The following HPSE2 variants were observed in gnomAD, a reference collection of about 807,000 sequenced individuals.
HPSE2 encodes the protein heparanase 2 (inactive).
A neutral mutation model predicts 60.5 loss-of-function variants in HPSE2; 38 were observed. That is an observed-to-expected ratio of 0.63 (90% CI 0.48 to 0.82). HPSE2 has a LOEUF of 0.82. HPSE2 is among the 40% of genes least tolerant of loss of function. The probability of loss-of-function intolerance (pLI) is 0.00; values close to 1 mark genes in which losing one functional copy is unlikely to be tolerated. For missense variants in HPSE2, 713 were observed against 740.4 expected, an observed-to-expected ratio of 0.96 and a Z score of 0.43; for synonymous variants, 295 against 293.2, an observed-to-expected ratio of 1.01 and a Z score of -0.06.
Position 98,769,393 on chromosome 10 carries a change from T to G in HPSE2, c.611-25337A>C, listed in dbSNP as rs145268513. On this transcript the variant is annotated intron_variant, in intron 3 of 11. Coordinates refer to ENST00000370552, the MANE Select transcript of HPSE2 (RefSeq NM_021828.5). ...AGAAATATTATGGAAATGGACATCT[T>G]TAGTCATAATTAAAGATGTTTTCTT... Among the ~76,000 whole-genome samples, 11 of 152,248 alleles carry G rather than the reference T, an allele frequency of 7.2e-5. No individual in the cohort carries two copies. In the East Asian group the frequency reaches 2.1e-3, roughly 29 times the overall value.
In HPSE2 at chr10:99,002,521, A is replaced by G. The variant is rs551297550; in HGVS notation, c.610+141717T>C. On this transcript the variant is annotated intron_variant, in intron 3 of 11. Coordinates refer to ENST00000370552, the MANE Select transcript of HPSE2 (RefSeq NM_021828.5). ...AACCTCAGTTTAAATTGTAAGAAAA[A>G]TAGCAGACCAATCTCATACAGACAC... Among the ~76,000 whole-genome samples, 16 of 152,214 alleles carry G rather than the reference A, an allele frequency of 1.1e-4. No homozygotes were observed. The South Asian group carries it at 2.9e-3, about 28-fold the overall frequency.
intron 11 of HPSE2, among the ~76,000 whole-genome samples, chr10:98,476,250 A>C (rs568667837): frequency 6.9e-6 from 1 of 145,664 alleles, no homozygotes; most frequent in Non-Finnish European, 1.5e-5. Flanking sequence ...GCATGTTCTC[A>C]CTCATAGATG....
At chr10:99,232,308 T>G (rs1420402549) in intron 2 of HPSE2, 40 bp downstream of exon 2, 1 of 1,549,770 alleles carries the variant, frequency 6.5e-7, no homozygotes, top group African/African-American at 1.4e-5. Context: ...GGGTGCTTGC[T>G]TCCGCTCCCC....
chr10:98,928,980 A>T (rs1390956155), intron 3 of HPSE2, among the ~76,000 whole-genome samples: 2 of 102,634 alleles, frequency 1.9e-5, no homozygotes, highest in Non-Finnish European at 3.6e-5. Context: ...CTAAAACTTA[A>T]AGTATAATAA....
intron 2 of HPSE2, among the ~76,000 whole-genome samples, chr10:99,179,278 G>C (rs1380566661): frequency 6.6e-6 from 1 of 152,116 alleles, no homozygotes; most frequent in Admixed American, 6.6e-5. Flanking sequence ...AGGGCAATCA[G>C]GCAAAAGAAA....
At chr10:98,495,969 G>A (rs1038254205) in intron 9 of HPSE2, among the ~76,000 whole-genome samples, 1 of 152,028 alleles carries the variant, frequency 6.6e-6, no homozygotes, top group Non-Finnish European at 1.5e-5. Flanking sequence ...TTGGAAACTG[G>A]ACATTTGAAT....
chr10:98,930,577 G>C (rs1402289430), intron 3 of HPSE2, among the ~76,000 whole-genome samples: 1 of 144,492 alleles, frequency 6.9e-6, no homozygotes, highest in Non-Finnish European at 1.5e-5. Flanking sequence ...TTCCACAATG[G>C]CTGAACTAAT....
At chr10:98,579,193 A>G (rs891685385) in intron 9 of HPSE2, among the ~76,000 whole-genome samples, 2 of 152,168 alleles carry the variant, frequency 1.3e-5, no homozygotes, top group Non-Finnish European at 2.9e-5. Flanking sequence ...TAAGTAAAGA[A>G]GGATATGTCT....
intron 3 of HPSE2, among the ~76,000 whole-genome samples, chr10:98,993,839 TA>T (rs1441611410): frequency 4.6e-5 from 7 of 152,232 alleles, no homozygotes; most frequent in Non-Finnish European, 8.8e-5. Flanking sequence ...TCTGATTTCA[TA>T]ATTTTGAAGT....
At chr10:99,152,697 T>G (rs145146578) in intron 2 of HPSE2, among the ~76,000 whole-genome samples, 1 of 152,294 alleles carries the variant, frequency 6.6e-6, no homozygotes, top group African/African-American at 2.4e-5. Flanking sequence ...TTAAGATGCA[T>G]AGTAAATCCC....
At chr10:98,760,377 A>G (rs2134384718) in intron 3 of HPSE2, among the ~76,000 whole-genome samples, 1 of 152,184 alleles carries the variant, frequency 6.6e-6, no homozygotes, top group Admixed American at 6.5e-5. Flanking sequence ...TTGTCTTGTT[A>G]CTAATCTTAG....
chr10:98,942,217 A>G (rs1291836555), intron 3 of HPSE2, among the ~76,000 whole-genome samples: 1 of 141,566 alleles, frequency 7.1e-6, no homozygotes, highest in Non-Finnish European at 1.5e-5. Flanking sequence ...AACAAAAGCC[A>G]AAATTGACAA....
At chr10:99,132,236 AGAGAG>A (rs1845464244) in intron 3 of HPSE2, among the ~76,000 whole-genome samples, 2 of 59,080 alleles carry the variant, frequency 3.4e-5, no homozygotes, top group Non-Finnish European at 5.4e-5. Flanking sequence ...AGAGAGAGAG[AGAGAG>A]AGAAAGAAAG....
In HPSE2 at chr10:98,545,570, T is replaced by C. The variant is rs535031678; in HGVS notation, c.1321-55374A>G. Among the ~76,000 whole-genome samples the C allele has an allele frequency of 1.7e-3, 266 of 152,236 alleles. 1 individual carries two copies. The highest frequency in any genetic ancestry group is 6.0e-3 in the African/African-American group (251 of 41,532). On this transcript the variant is annotated intron_variant, in intron 9 of 11. Coordinates refer to ENST00000370552, the MANE Select transcript of HPSE2 (RefSeq NM_021828.5). Reference sequence around the variant, plus strand: ...GACAAAAACCACATGATTATCTCAATAGATGCAGAAAAGGCCTTTGACAAA... The same window carrying C: ...GACAAAAACCACATGATTATCTCAACAGATGCAGAAAAGGCCTTTGACAAA...
At chr10:98,694,534 A>G (rs1273219414) in intron 5 of HPSE2, among the ~76,000 whole-genome samples, 1 of 152,202 alleles carries the variant, frequency 6.6e-6, no homozygotes, top group Non-Finnish European at 1.5e-5. Flanking sequence ...TAAATAGAGT[A>G]CTGAGTGTTA....
At chr10:98,470,014 T>C (rs1048379867) in intron 11 of HPSE2, among the ~76,000 whole-genome samples, 7 of 152,102 alleles carry the variant, frequency 4.6e-5, no homozygotes, top group South Asian at 2.1e-4. Flanking sequence ...CCAGTCCTAA[T>C]TGTGTGGAGC....
chr10:98,601,856 G>A (rs1350678254), intron 9 of HPSE2, among the ~76,000 whole-genome samples: 1 of 152,220 alleles, frequency 6.6e-6, no homozygotes, highest in Non-Finnish European at 1.5e-5. Flanking sequence ...TGCTTGCTGA[G>A]TAGATAAAGT....
chr10:98,523,526 A>T (rs970353181), intron 9 of HPSE2, among the ~76,000 whole-genome samples: 1 of 152,222 alleles, frequency 6.6e-6, no homozygotes, highest in African/African-American at 2.4e-5. Context: ...AGCTTATTGA[A>T]TCCCAAATAA....
intron 3 of HPSE2, among the ~76,000 whole-genome samples, chr10:99,094,536 A>ATTTTTTTTTTTTTTTTTTTTTTTTTT (rs1843640676): frequency 4.9e-5 from 1 of 20,478 alleles, no homozygotes; most frequent in African/African-American, 1.4e-4. Context: ...ATATATATAT[A>ATTTTTTTTTTTTTTTTTTTTTTTTTT]TATATTTTTT....
Sources: gnomAD v4.1 joint callset for allele counts (sites outside exome capture counted in the v4.1 genomes callset) on GRCh38, gnomAD v4.1.1 for gene constraint, MANE v1.5 for transcripts, NCBI Gene and HGNC (gene_info 2026-07-23, HGNC 2026-07-21) for gene names.